PCDHA3: variants seen among roughly 807,000 people sequenced by gnomAD.
PCDHA3 encodes the protein protocadherin alpha 3, also known as protocadherin alpha-3.
A neutral mutation model predicts 62.2 loss-of-function variants in PCDHA3; 41 were observed. The ratio of observed to expected loss-of-function variants is 0.66; its 90% CI spans 0.51 to 0.86. PCDHA3 has a LOEUF of 0.86. PCDHA3 is among the 40% of genes least tolerant of loss of function. The pLI is 0.00. For missense variants in PCDHA3, 1,304 were observed against 1,241.2 expected, an observed-to-expected ratio of 1.05 and a Z score of -0.76; for synonymous variants, 640 against 555.4, an observed-to-expected ratio of 1.15 and a Z score of -2.14.
chr5:140,972,355 G>A (rs1190163389), intron 1 of PCDHA3, among the ~76,000 whole-genome samples: 3 of 150,946 alleles, frequency 2.0e-5, no homozygotes, highest in Admixed American at 2.0e-4. Context: ...TCACTATGTT[G>A]CACATGCTGT....
intron 1 of PCDHA3, among the ~76,000 whole-genome samples, chr5:140,972,288 C>T (rs1263314074): frequency 2.0e-5 from 3 of 150,942 alleles, no homozygotes; most frequent in African/African-American, 4.9e-5. Context: ...CATAGATGTG[C>T]GCCACCGTGT....
chr5:140,900,651 A>G (rs1386674800), intron 1 of PCDHA3, among the ~76,000 whole-genome samples: 3 of 152,232 alleles, frequency 2.0e-5, no homozygotes, highest in African/African-American at 7.2e-5. Flanking sequence ...ACACTGCTGC[A>G]ATGAACAATG....
At chr5:140,969,935 T>C (rs1490184904) in intron 1 of PCDHA3, among the ~76,000 whole-genome samples, 2 of 152,222 alleles carry the variant, frequency 1.3e-5, no homozygotes, top group Non-Finnish European at 2.9e-5. Context: ...TTAGACATCA[T>C]ACTGAAGCTA....
chr5:140,850,420 C>T lies in PCDHA3; in HGVS notation c.2394+46829C>T. The T allele has an allele frequency of 1.9e-6, 3 of 1,597,930 alleles. 1 individual carries two copies. The highest frequency in any genetic ancestry group is 2.6e-6 in the Non-Finnish European group (3 of 1,167,744). ...ACGCGTGCCCTGGACGAAACGGACG[C>T]ACCGCGCCAGCGCCTACTGGTGCTG... On this transcript the variant is annotated intron_variant, in intron 1 of 3. Transcript: ENST00000522353.
intron 3 of PCDHA3, among the ~76,000 whole-genome samples, chr5:140,997,680 G>A (rs954561672): frequency 6.6e-6 from 1 of 151,954 alleles, no homozygotes; most frequent in African/African-American, 2.4e-5. Context: ...GTGTGTGTGT[G>A]TGTGTGTGTG....
At chr5:140,869,163 C>T in intron 1 of PCDHA3, 1 of 1,613,910 alleles carries the variant, frequency 6.2e-7, no homozygotes, top group Non-Finnish European at 8.5e-7. Flanking sequence ...GGCTTCTCCT[C>T]CTCGAATTCT....
intron 1 of PCDHA3, among the ~76,000 whole-genome samples, chr5:140,826,033 A>G (rs1314307511): frequency 6.6e-6 from 1 of 152,110 alleles, no homozygotes; most frequent in Non-Finnish European, 1.5e-5. Context: ...TGAATTCCCT[A>G]TTTCTGTTGC....
chr5:140,951,983 A>G (rs1043433314), intron 1 of PCDHA3, among the ~76,000 whole-genome samples: 1 of 152,214 alleles, frequency 6.6e-6, no homozygotes, highest in African/African-American at 2.4e-5. Context: ...CAAAAGGGAA[A>G]AACCAGCCAA....
chr5:140,941,438 C>T (rs1408570275), intron 1 of PCDHA3, among the ~76,000 whole-genome samples: 4 of 150,764 alleles, frequency 2.7e-5, no homozygotes, highest in African/African-American at 7.3e-5. Context: ...GCCTCAGCCT[C>T]GGGAGTAGCT....
intron 1 of PCDHA3, among the ~76,000 whole-genome samples, chr5:140,838,786 G>C (rs1554137197): frequency 6.6e-6 from 1 of 151,962 alleles, no homozygotes; most frequent in African/African-American, 2.4e-5. Context: ...GCTATGCATG[G>C]TGATGCATGT....
intron 3 of PCDHA3, among the ~76,000 whole-genome samples, chr5:140,999,654 C>T (rs180994815): frequency 1.3e-3 from 194 of 152,238 alleles, no homozygotes; most frequent in African/African-American, 4.4e-3. Context: ...AGCCTGAGCC[C>T]TGCTGGGTTG....
intron 3 of PCDHA3, among the ~76,000 whole-genome samples, chr5:140,985,608 G>T (rs76669319): frequency 6.6e-6 from 1 of 152,052 alleles, no homozygotes; most frequent in Non-Finnish European, 1.5e-5. Context: ...AGCCCTTTCC[G>T]TGAACCAGCT....
intron 1 of PCDHA3, chr5:140,871,141 C>G: frequency 6.2e-7 from 1 of 1,613,438 alleles, no homozygotes; most frequent in Non-Finnish European, 8.5e-7. Context: ...GGCCTCTTCC[C>G]GGACTTTGGC....
chr5:140,807,105 G>C (rs1763844674), intron 1 of PCDHA3: 1 of 1,454,344 alleles, frequency 6.9e-7, no homozygotes, highest in African/African-American at 1.4e-5. Context: ...GGAGGATGCA[G>C]CTGCACTTGA....
At chr5:140,835,876 G>T in intron 1 of PCDHA3, 3 of 1,611,976 alleles carry the variant, frequency 1.9e-6, no homozygotes, top group Non-Finnish European at 2.5e-6. Flanking sequence ...GTGGAGCTGC[G>T]GGTGGGCGAG....
intron 1 of PCDHA3, chr5:140,811,556 A>G (rs1423019320): frequency 6.6e-6 from 1 of 152,204 alleles, no homozygotes; most frequent in Non-Finnish European, 1.5e-5. Flanking sequence ...CTAGTTCCAG[A>G]TCCTTGAGGA....
intron 1 of PCDHA3, chr5:140,863,417 G>T (rs182048002): frequency 3.6e-5 from 25 of 701,046 alleles, no homozygotes; most frequent in South Asian, 3.2e-4. Flanking sequence ...CTGGTGTACC[G>T]CAGCGTAGTG....
intron 1 of PCDHA3, chr5:140,809,506 C>A: frequency 6.2e-7 from 1 of 1,614,206 alleles, no homozygotes; most frequent in African/African-American, 1.3e-5. Context: ...TGGCCTTCAG[C>A]CCCAGTTTAC....
rs2150357061 is a variant in PCDHA3, at chr5:140,843,307, G to C, written c.2394+39716G>C. On this transcript the variant is annotated intron_variant, in intron 1 of 3. Transcript: ENST00000522353. The stretch of plus-strand genomic sequence containing the variant: ...ATGGTGAACCTGCGCTGACCGCCAC[G>C]GCCACGGTTCTGGTGTCGCTGGTGG... 7 of 1,595,858 alleles carry C rather than the reference G, an allele frequency of 4.4e-6. 1 individual carries two copies. The highest frequency in any genetic ancestry group is 6.0e-6 in the Non-Finnish European group (7 of 1,165,566).
Sources: allele counts gnomAD v4.1 joint callset (sites outside exome capture counted in the v4.1 genomes callset), GRCh38; gene constraint gnomAD v4.1.1; transcripts MANE v1.5; gene names NCBI Gene and HGNC (gene_info 2026-07-23, HGNC 2026-07-21).